The following PCDHA9 variants were observed in gnomAD, a reference collection of about 807,000 sequenced individuals.
PCDHA9 encodes the protein protocadherin alpha-9.
A neutral mutation model predicts 62.0 loss-of-function variants in PCDHA9; 62 were observed. That is an observed-to-expected ratio of 1.00 (90% confidence interval 0.81 to 1.23). The LOEUF is 1.23. Ranked by LOEUF, PCDHA9 falls within the 50% of genes most tolerant of loss-of-function variation. PCDHA9 has a pLI of 0.00. For missense variants in PCDHA9, 1,205 were observed against 1,249.8 expected (o/e 0.96, Z 0.54); for synonymous variants, 557 against 567.6 (o/e 0.98, Z 0.27).
intron 2 of PCDHA9, among the ~76,000 whole-genome samples, chr5:140,979,323 T>C (rs2096844622): frequency 6.6e-6 from 1 of 152,180 alleles, no homozygotes; most frequent in Non-Finnish European, 1.5e-5. Context: ...TATGCTTTCT[T>C]TTCCTCCTTT....
chr5:140,867,479 A>G (rs1308433664), intron 1 of PCDHA9: 1 of 152,158 alleles, frequency 6.6e-6, no homozygotes, highest in Non-Finnish European at 1.5e-5. Context: ...TTGGGAAAAG[A>G]GTAAATATGA....
chr5:140,870,905 G>T (rs2052526417), intron 1 of PCDHA9: 1 of 1,613,958 alleles, frequency 6.2e-7, no homozygotes, highest in Non-Finnish European at 8.5e-7. Context: ...GCGGACTCAG[G>T]CTACAACGCG....
chr5:140,850,685 C>G lies in PCDHA9; in HGVS notation c.2190C>G (p.Gly730=), dbSNP rs1390345550. ...VLRCSAMPTE[G]ECAPGKPTLV... is the part of the protein sequence containing the mutation. ...GGTGCTCGGCGATGCCCACCGAGGGCGAGTGCGCGCCTGGCAAGCCGACGC... is the reference window on the plus strand; with the variant it reads ...GGTGCTCGGCGATGCCCACCGAGGGGGAGTGCGCGCCTGGCAAGCCGACGC... Residue 730 remains glycine (G), a synonymous_variant, in exon 1 of 4, where the codon GGC becomes GGG. Transcript: ENST00000532602. 25 of 1,598,270 alleles carry G rather than the reference C, an allele frequency of 1.6e-5. 2 individuals are homozygous for G. The highest frequency in any genetic ancestry group is 1.7e-4 in the Middle Eastern group (1 of 6,016).
At chr5:140,946,610 A>AT (rs2093970425) in intron 1 of PCDHA9, among the ~76,000 whole-genome samples, 1 of 119,932 alleles carries the variant, frequency 8.3e-6, no homozygotes, top group African/African-American at 3.4e-5. Flanking sequence ...AGAAAATGTG[A>AT]AATATATATA....
intron 1 of PCDHA9, chr5:140,884,280 A>G: frequency 6.2e-7 from 1 of 1,613,576 alleles, no homozygotes; most frequent in Non-Finnish European, 8.5e-7. Context: ...TCGCTGGTGG[A>G]GAGCGGCCAA....
Position 140,871,133 on chromosome 5 carries a change from C to A in PCDHA9, c.2394+20244C>A, listed in dbSNP as rs1156390839. On this transcript the variant is annotated intron_variant, in intron 1 of 3. Transcript: ENST00000532602. ...GTGGAGAGCGGACAGGCGCCAAAGG[C>A]CTCTTCCCGGACTTTGGCGGGCGCC... 29 of 1,613,274 alleles carry A rather than the reference C, an allele frequency of 1.8e-5. No homozygotes were observed. Among genetic ancestry groups the A allele is most frequent in the Non-Finnish European group, 2.5e-5 (29 of 1,179,916 alleles).
chr5:141,004,888 G>A lies in PCDHA9; in HGVS notation c.2543-4739G>A, dbSNP rs555046086. ...TTTCTCATCCCTAAAGTGCTATTGT[G>A]TCAGCTCTGCCAGGGTGTAAGGAAA... On this transcript the variant is annotated intron_variant, in intron 3 of 3. Transcript: ENST00000532602. Among the ~76,000 whole-genome samples the A allele has an allele frequency of 2.0e-5, 3 of 152,250 alleles. No individual in the cohort carries two copies. The East Asian group carries it at 5.8e-4, about 29-fold the overall frequency.
At chr5:140,981,336 G>A (rs1332617891) in intron 2 of PCDHA9, among the ~76,000 whole-genome samples, 1 of 152,188 alleles carries the variant, frequency 6.6e-6, no homozygotes, top group Non-Finnish European at 1.5e-5. Context: ...CACTTTGGGA[G>A]GGTGAGGCAG....
chr5:140,870,085 C>A, intron 1 of PCDHA9: 1 of 1,613,862 alleles, frequency 6.2e-7, no homozygotes, highest in Non-Finnish European at 8.5e-7. Context: ...GGGGACTCCC[C>A]CAATGGCAGG....
intron 1 of PCDHA9, among the ~76,000 whole-genome samples, chr5:140,910,495 T>C (rs782513326): frequency 1.3e-5 from 2 of 152,176 alleles, no homozygotes; most frequent in Non-Finnish European, 2.9e-5. Flanking sequence ...AGAAGAGCAA[T>C]CACAAAGCTC....
chr5:140,856,754 G>A (rs536378352), intron 1 of PCDHA9: 8 of 1,596,774 alleles, frequency 5.0e-6, no homozygotes, highest in African/African-American at 1.3e-5. Flanking sequence ...AGATGCCAAT[G>A]ATAACGCCCC....
intron 1 of PCDHA9, among the ~76,000 whole-genome samples, chr5:140,932,376 A>G (rs2088262778): frequency 6.6e-6 from 1 of 151,964 alleles, no homozygotes; most frequent in African/African-American, 2.4e-5. Context: ...TTTCCACATG[A>G]AAGTTATACA....
intron 1 of PCDHA9, chr5:140,862,574 C>G (rs1338632403): frequency 4.1e-6 from 2 of 484,868 alleles, no homozygotes; most frequent in East Asian, 1.1e-4. Context: ...AATGCCCTGG[C>G]GTTCCAGCAG....
At position 140,899,912 on chromosome 5, in the gene PCDHA9, A is replaced by G. The variant is rs574794282; in HGVS notation, c.2394+49023A>G. The stretch of plus-strand genomic sequence containing the variant: ...AGCCTTGACATCCTGGGCTCAAGCA[A>G]TCCTCCTGCCTCAGCCTCCTGAATA... On this transcript the variant is annotated intron_variant, in intron 1 of 3. Transcript: ENST00000532602. Among the ~76,000 whole-genome samples the G allele has an allele frequency of 2.0e-5, 3 of 152,154 alleles. No homozygotes were observed. In the East Asian group the frequency reaches 5.8e-4, roughly 29 times the overall value.
At position 140,982,704 on chromosome 5, in the gene PCDHA9, C is replaced by T. The variant is rs1393323812; in HGVS notation, c.2542+141C>T. ...CTTTTTTCCATACATACATGATTTCCTTACATATATGATTATTTTGATTTT... is the reference window on the plus strand; with the variant it reads ...CTTTTTTCCATACATACATGATTTCTTTACATATATGATTATTTTGATTTT... On this transcript the variant is annotated intron_variant, in intron 3 of 3. Coordinates refer to ENST00000532602, the MANE Select transcript of PCDHA9 (RefSeq NM_031857.2). 8 of 1,377,410 alleles carry T rather than the reference C, an allele frequency of 5.8e-6. No homozygotes were observed. In the African/African-American group the frequency reaches 1.2e-4, roughly 20 times the overall value. The allele number at this position is 1,377,410 out of a possible 1,614,324, so 85.3% of individuals were successfully genotyped here. A position where few individuals can be genotyped will look rare whatever the true frequency, so the allele number is the denominator to read the frequency against.
intron 1 of PCDHA9, among the ~76,000 whole-genome samples, chr5:140,909,261 G>A (rs1358542746): frequency 6.6e-6 from 1 of 152,226 alleles, no homozygotes; most frequent in Admixed American, 6.5e-5. Flanking sequence ...CTTGCTGACT[G>A]AAGGCAAATT....
At chr5:140,869,350 A>G (rs1197202286) in intron 1 of PCDHA9, 3 of 1,614,064 alleles carry the variant, frequency 1.9e-6, no homozygotes, top group Non-Finnish European at 1.7e-6. Flanking sequence ...GCAGAATGGC[A>G]TTTTGTTTGT....
At chr5:140,883,342 C>T in intron 1 of PCDHA9, 1 of 1,614,154 alleles carries the variant, frequency 6.2e-7, no homozygotes, top group Non-Finnish European at 8.5e-7. Flanking sequence ...TGTCACTCCC[C>T]ATCAGAGAAG....
intron 1 of PCDHA9, among the ~76,000 whole-genome samples, chr5:140,904,135 G>A (rs1310606905): frequency 6.6e-5 from 10 of 151,986 alleles, no homozygotes; most frequent in Non-Finnish European, 1.0e-4. Context: ...CCCATCACCC[G>A]AGCAGTATAC....
Sources: gnomAD v4.1 joint callset for allele counts (sites outside exome capture counted in the v4.1 genomes callset) on GRCh38, gnomAD v4.1.1 for gene constraint, MANE v1.5 for transcripts, NCBI Gene and HGNC (gene_info 2026-07-23, HGNC 2026-07-21) for gene names.